Variants in UBL3 observed in about 807,000 individuals in gnomAD.
UBL3 encodes the protein ubiquitin-like protein 3.
Under a neutral mutation model 18.4 loss-of-function variants are expected in UBL3, and 6 were observed. The ratio of observed to expected loss-of-function variants is 0.33; its 90% confidence interval spans 0.18 to 0.64. The LOEUF (loss-of-function observed/expected upper bound fraction) is 0.64. Among genes scored for constraint, UBL3 ranks in the 30% least tolerant of loss-of-function variants. The probability of loss-of-function intolerance (pLI) is 0.76; values close to 1 mark genes in which losing one functional copy is unlikely to be tolerated. For synonymous variants in UBL3, 49 were observed against 46.6 expected (o/e 1.05, Z -0.21); for missense variants, 109 against 142.9 (o/e 0.76, Z 1.21).
At chr13:29,794,445 C>A (rs569912806) in intron 1 of UBL3, among the ~76,000 whole-genome samples, 1 of 152,020 alleles carries the variant, frequency 6.6e-6, no homozygotes, top group East Asian at 1.9e-4. Flanking sequence ...AACTAAGTAC[C>A]CAGGTATAGG....
Position 29,849,551 on chromosome 13 carries a change from T to A in UBL3, c.-13A>T, listed in dbSNP as rs1879315014. 3 of 1,613,738 alleles carry A rather than the reference T, an allele frequency of 1.9e-6. No individual in the cohort carries two copies. Among genetic ancestry groups the A allele is most frequent in the Non-Finnish European group, 2.5e-6 (3 of 1,180,036 alleles). On this transcript the variant is annotated 5_prime_UTR_variant, in exon 1 of 5. Transcript: ENST00000380680. ...CATTACTGGACATCTTGCCGTTTGA[T>A]ATACACCCAGATGTTTACGAAAAAA...
At chr13:29,802,601 A>G (rs1218138286) in intron 1 of UBL3, among the ~76,000 whole-genome samples, 1 of 152,248 alleles carries the variant, frequency 6.6e-6, no homozygotes, top group Non-Finnish European at 1.5e-5. Context: ...GGTCATTATA[A>G]GAAATGACCA....
chr13:29,812,582 C>T (rs1295670697), intron 1 of UBL3, among the ~76,000 whole-genome samples: 1 of 151,992 alleles, frequency 6.6e-6, no homozygotes. Flanking sequence ...CTATTCCATA[C>T]AGTAGCTACT....
intron 1 of UBL3, among the ~76,000 whole-genome samples, chr13:29,835,127 TATATATA>T (rs1878909980): frequency 3.0e-4 from 1 of 3,326 alleles, no homozygotes; most frequent in African/African-American, 1.5e-3. Context: ...TATATATAAA[TATATATA>T]TATATATATA....
intron 1 of UBL3, among the ~76,000 whole-genome samples, chr13:29,831,377 G>GTC (rs1878765957): frequency 1.3e-5 from 2 of 152,080 alleles, no homozygotes; most frequent in Non-Finnish European, 2.9e-5. Context: ...ATCACCTGAG[G>GTC]TCAGGAGTTC....
At chr13:29,827,250 G>C (rs1878647162) in intron 1 of UBL3, among the ~76,000 whole-genome samples, 1 of 152,052 alleles carries the variant, frequency 6.6e-6, no homozygotes, top group Non-Finnish European at 1.5e-5. Flanking sequence ...TGTTAACTTT[G>C]TCTCGTTGAT....
intron 1 of UBL3, among the ~76,000 whole-genome samples, chr13:29,792,171 C>T (rs534385352): frequency 6.6e-6 from 1 of 152,024 alleles, no homozygotes; most frequent in East Asian, 1.9e-4. Flanking sequence ...AGTATGTGTG[C>T]CAAACTATAG....
chr13:29,792,090 C>T (rs1002775403), intron 1 of UBL3, among the ~76,000 whole-genome samples: 2 of 152,140 alleles, frequency 1.3e-5, no homozygotes, highest in Admixed American at 1.3e-4. Flanking sequence ...TTCATATAGT[C>T]AACCTCAGTC....
intron 1 of UBL3, among the ~76,000 whole-genome samples, chr13:29,805,225 T>C (rs1484234313): frequency 6.6e-6 from 1 of 152,236 alleles, no homozygotes; most frequent in African/African-American, 2.4e-5. Flanking sequence ...ACTAAGAATG[T>C]CTGCCATTTT....
chr13:29,789,945 T>C (rs1475680587), intron 1 of UBL3, among the ~76,000 whole-genome samples: 1 of 152,242 alleles, frequency 6.6e-6, no homozygotes, highest in Non-Finnish European at 1.5e-5. Context: ...AGATGGTCTT[T>C]AATATTAGAA....
chr13:29,791,040 T>C (rs193228080), intron 1 of UBL3, among the ~76,000 whole-genome samples: 36 of 152,306 alleles, frequency 2.4e-4, no homozygotes, highest in Admixed American at 2.2e-3. Context: ...GTAGATAGCT[T>C]ACTGTCCCCT....
chr13:29,771,561 G>A (rs1205208970), intron 3 of UBL3, among the ~76,000 whole-genome samples: 3 of 152,042 alleles, frequency 2.0e-5, no homozygotes, highest in Non-Finnish European at 4.4e-5. Flanking sequence ...ACACAGGTTG[G>A]TTAAGTCACT....
chr13:29,786,898 G>A (rs911304460), intron 1 of UBL3, among the ~76,000 whole-genome samples: 2 of 152,078 alleles, frequency 1.3e-5, no homozygotes, highest in African/African-American at 4.8e-5. Context: ...AGAGGTCAGA[G>A]AGTCCTCTAG....
rs1482141746 is a variant in UBL3, at chr13:29,767,248, A to G, written c.*7T>C. The G allele has an allele frequency of 6.2e-7, 1 of 1,612,990 alleles. No individual in the cohort carries two copies. Among genetic ancestry groups the G allele is most frequent in the Non-Finnish European group, 8.5e-7 (1 of 1,179,172 alleles). ...GACTATATCACATCACACTAGGCAG[A>G]CAGTGTTTACAGGATTACACAACAA... On this transcript the variant is annotated 3_prime_UTR_variant, in exon 5 of 5. Transcript: ENST00000380680.
intron 1 of UBL3, among the ~76,000 whole-genome samples, chr13:29,825,864 C>T (rs1454224582): frequency 7.2e-5 from 11 of 152,124 alleles, no homozygotes; most frequent in Admixed American, 1.3e-4. Context: ...TTTTGAGATA[C>T]GTCCCATCAA....
chr13:29,810,290 T>A (rs937424816), intron 1 of UBL3, among the ~76,000 whole-genome samples: 11 of 152,018 alleles, frequency 7.2e-5, no homozygotes, highest in African/African-American at 2.2e-4. Context: ...AAATACACAT[T>A]TGGGGGTCAT....
Position 29,767,239 on chromosome 13 carries a change from A to G in UBL3, c.*16T>C. ...AAAGACAAAGACTATATCACATCACACTAGGCAGACAGTGTTTACAGGATT... is the reference window on the plus strand; with the variant it reads ...AAAGACAAAGACTATATCACATCACGCTAGGCAGACAGTGTTTACAGGATT... On this transcript the variant is annotated 3_prime_UTR_variant, in exon 5 of 5. Transcript: ENST00000380680. 1 of 1,612,808 alleles carries G rather than the reference A, an allele frequency of 6.2e-7. No individual in the cohort carries two copies. The highest frequency in any genetic ancestry group is 1.1e-5 in the South Asian group (1 of 91,014).
chr13:29,848,280 CAAAAAAAAAA>C (rs11372209), intron 1 of UBL3, among the ~76,000 whole-genome samples: 5 of 68,320 alleles, frequency 7.3e-5, no homozygotes, highest in Admixed American at 2.1e-4. Flanking sequence ...CCTGTCTCCA[CAAAAAAAAAA>C]AAAAAAAAAA....
rs1878910289 is a variant in UBL3 at position 29,835,128 on chromosome 13, AT to A, written c.27+14383del. Among the ~76,000 whole-genome samples the A allele has an allele frequency of 3.2e-3, 12 of 3,738 alleles. 1 individual carries two copies. The highest frequency in any genetic ancestry group is 8.3e-3 in the East Asian group (1 of 120). The allele number at this position is 3,738 out of a possible 152,430, so 2.5% of individuals were successfully genotyped here. A position where few individuals can be genotyped will look rare whatever the true frequency, so the allele number is the denominator to read the frequency against. ...TATAAATATATATATATATATAAAT[AT>A]ATATATATATATATATATATATATA... On this transcript the variant is annotated intron_variant, in intron 1 of 4. Transcript: ENST00000380680.
Sources: allele counts gnomAD v4.1 joint callset (sites outside exome capture counted in the v4.1 genomes callset), GRCh38; gene constraint gnomAD v4.1.1; transcripts MANE v1.5; gene names NCBI Gene and HGNC (gene_info 2026-07-23, HGNC 2026-07-21).